Variants in CELF5 observed in about 807,000 individuals in gnomAD.
CELF5 encodes the protein CUGBP Elav-like family member 5, also known as CUG-BP and ETR-3 like factor 5.
A neutral mutation model predicts 54.9 loss-of-function variants in CELF5; 6 were observed. The ratio of observed to expected loss-of-function variants is 0.11; its 90% CI spans 0.06 to 0.22. The LOEUF (loss-of-function observed/expected upper bound fraction) is 0.22, where lower values mean the gene tolerates loss of function less well. Ranked by LOEUF, CELF5 falls within the 10% of genes least tolerant of loss-of-function variation. CELF5 has a pLI of 1.00. For synonymous variants in CELF5, 271 were observed against 290.9 expected, an observed-to-expected ratio of 0.93 and a Z score of 0.70; for missense variants, 401 against 678.6, an observed-to-expected ratio of 0.59 and a Z score of 4.54.
intron 2 of CELF5, among the ~76,000 whole-genome samples, chr19:3,251,516 G>C (rs1248413242): frequency 6.6e-6 from 1 of 152,124 alleles, no homozygotes; most frequent in African/African-American, 2.4e-5. Flanking sequence ...GAGGTGACAG[G>C]GCTGGTTGCT....
intron 2 of CELF5, among the ~76,000 whole-genome samples, chr19:3,263,769 G>T (rs2079841216): frequency 1.3e-5 from 2 of 151,738 alleles, no homozygotes; most frequent in Admixed American, 6.6e-5. Context: ...GCCGGGCGTG[G>T]TGGTGGGCAC....
intron 2 of CELF5, among the ~76,000 whole-genome samples, chr19:3,260,597 G>C (rs996815746): frequency 6.6e-6 from 1 of 151,314 alleles, no homozygotes; most frequent in East Asian, 1.9e-4. Context: ...TGGGACCACA[G>C]GTGTGTGCCA....
chr19:3,280,602 C>T (rs1161465067), intron 5 of CELF5, among the ~76,000 whole-genome samples: 1 of 151,946 alleles, frequency 6.6e-6, no homozygotes, highest in Non-Finnish European at 1.5e-5. Flanking sequence ...AATCCGGGTC[C>T]GAACTGCCTG....
intron 1 of CELF5, among the ~76,000 whole-genome samples, chr19:3,243,146 ATTCTT>A (rs773369574): frequency 3.9e-5 from 6 of 152,080 alleles, no homozygotes; most frequent in Non-Finnish European, 8.8e-5. Flanking sequence ...GTATAAGCTT[ATTCTT>A]TTCTTTTTCA....
rs1406164178 is a variant in CELF5, at chr19:3,285,418, G to C, written c.1102+454G>C. Among the ~76,000 whole-genome samples, 9 of 143,286 alleles carry C rather than the reference G, an allele frequency of 6.3e-5. No homozygotes were observed. In the South Asian group the frequency reaches 1.1e-3, roughly 18 times the overall value. 94.0% of individuals were successfully genotyped at this position (143,286 alleles called of 152,430 possible). A position where few individuals can be genotyped will look rare whatever the true frequency, so the allele number is the denominator to read the frequency against. ...CCCTACCTCTGGCTCTACTTCTTAA[G>C]GCCTGGCTGTGACCCCGCCCTCTGC... is the stretch of plus-strand genomic sequence containing the variant. On this transcript the variant is annotated intron_variant, in intron 9 of 12. Transcript: ENST00000292672.
chr19:3,285,211 T>G (rs1347367868), intron 9 of CELF5, among the ~76,000 whole-genome samples: 4 of 151,934 alleles, frequency 2.6e-5, no homozygotes, highest in Admixed American at 2.6e-4. Flanking sequence ...AGGACAGCGC[T>G]TACCCATGGC....
intron 1 of CELF5, among the ~76,000 whole-genome samples, chr19:3,240,410 C>G (rs965090100): frequency 6.6e-6 from 1 of 151,962 alleles, no homozygotes; most frequent in East Asian, 1.9e-4. Flanking sequence ...ACTGCAACCT[C>G]TGCCTCCCGG....
rs182247756 is a variant in CELF5 at position 3,250,285 on chromosome 19, G to A, written c.260-700G>A. 1.1e-4 allele frequency among the ~76,000 whole-genome samples: 17 copies of A among 152,188 alleles called. No homozygotes were observed. The East Asian group carries it at 2.5e-3, about 22-fold the overall frequency. On this transcript the variant is annotated intron_variant, in intron 1 of 12. Transcript: ENST00000292672. ...GGGCAGATCACGAGGTCAGGAGATC[G>A]AGACCATCCTGGCTAACACGGTGAA...
intron 10 of CELF5, among the ~76,000 whole-genome samples, chr19:3,288,410 T>C (rs1165712080): frequency 6.6e-6 from 1 of 151,988 alleles, no homozygotes; most frequent in Non-Finnish European, 1.5e-5. Flanking sequence ...TAATCCCAGC[T>C]ACTCAGGAGG....
intron 2 of CELF5, among the ~76,000 whole-genome samples, chr19:3,265,063 G>A (rs372024455): frequency 6.4e-4 from 98 of 152,252 alleles, no homozygotes; most frequent in African/African-American, 1.3e-3. Flanking sequence ...AAGGCCGGGC[G>A]CAGTGGCTCA....
At position 3,224,702 on chromosome 19, in the gene CELF5, C is replaced by G; in HGVS notation, c.-38C>G. 9.9e-7 allele frequency: 1 copy of G among 1,008,762 alleles called. No homozygotes were observed. Among genetic ancestry groups the G allele is most frequent in the Non-Finnish European group, 1.2e-6 (1 of 844,454 alleles). The allele number at this position is 1,008,762 out of a possible 1,614,324, so 62.5% of individuals were successfully genotyped here. A position where few individuals can be genotyped will look rare whatever the true frequency, so the allele number is the denominator to read the frequency against. On this transcript the variant is annotated 5_prime_UTR_variant, in exon 1 of 13. Coordinates refer to ENST00000292672, the MANE Select transcript of CELF5 (RefSeq NM_021938.4). ...GCTCCAGCTGCGAGTCCGCCCGCCG[C>G]CCGCCGCCGCCGCCGCCGGCTCGGT...
chr19:3,291,199 G>A (rs529856391), intron 11 of CELF5, among the ~76,000 whole-genome samples: 7 of 152,046 alleles, frequency 4.6e-5, no homozygotes, highest in South Asian at 2.1e-4. Flanking sequence ...CCGTGAGGTC[G>A]AGGCTGCAGT....
intron 1 of CELF5, among the ~76,000 whole-genome samples, chr19:3,233,405 A>G (rs1352339786): frequency 6.6e-6 from 1 of 151,942 alleles, no homozygotes; most frequent in Non-Finnish European, 1.5e-5. Context: ...TAGGAAACAA[A>G]TAAAGTTGAG....
chr19:3,265,450 G>A (rs547047767), intron 2 of CELF5, among the ~76,000 whole-genome samples: 9 of 152,338 alleles, frequency 5.9e-5, no homozygotes, highest in Non-Finnish European at 1.5e-5. Flanking sequence ...CATGGGCAGT[G>A]AGCCCCGAGC....
chr19:3,240,080 C>T (rs1019298139), intron 1 of CELF5, among the ~76,000 whole-genome samples: 1 of 151,762 alleles, frequency 6.6e-6, no homozygotes, highest in African/African-American at 2.4e-5. Flanking sequence ...GAGATCTCGG[C>T]TCACTGCAAA....
chr19:3,237,311 C>CA (rs1182124877), intron 1 of CELF5, among the ~76,000 whole-genome samples: 1,588 of 40,088 alleles, frequency 0.04, 21 homozygotes, highest in Non-Finnish European at 0.047. Context: ...GACTCCGTCT[C>CA]AAAAAAAAAA....
intron 2 of CELF5, among the ~76,000 whole-genome samples, chr19:3,261,591 A>T (rs986280964): frequency 3.3e-5 from 5 of 152,104 alleles, no homozygotes; most frequent in Admixed American, 6.6e-5. Context: ...AGGCTGAGGT[A>T]GGAGGATTGC....
intron 10 of CELF5, among the ~76,000 whole-genome samples, chr19:3,287,798 C>G (rs75992393): frequency 6.6e-6 from 1 of 151,944 alleles, no homozygotes; most frequent in Non-Finnish European, 1.5e-5. Flanking sequence ...ATCAGTGACA[C>G]GTTAAGAGAA....
intron 9 of CELF5, among the ~76,000 whole-genome samples, chr19:3,285,519 C>A (rs2080226888): frequency 6.6e-6 from 1 of 150,856 alleles, no homozygotes; most frequent in African/African-American, 2.4e-5. Flanking sequence ...CACTCATGCC[C>A]TTCATCCCAG....
Sources: gnomAD v4.1 joint callset for allele counts (sites outside exome capture counted in the v4.1 genomes callset) on GRCh38, gnomAD v4.1.1 for gene constraint, MANE v1.5 for transcripts, NCBI Gene and HGNC (gene_info 2026-07-23, HGNC 2026-07-21) for gene names.